Variants in DLGAP2 observed in about 807,000 individuals in gnomAD.
The protein encoded by DLGAP2 is disks large-associated protein 2.
In DLGAP2, 26 loss-of-function variants were observed where a neutral mutation model predicts 100.3. That is an observed-to-expected ratio of 0.26 (90% CI 0.19 to 0.36). DLGAP2 has a LOEUF of 0.36. Ranked by LOEUF, DLGAP2 falls within the 10% of genes least tolerant of loss-of-function variation. The pLI, the probability that DLGAP2 is intolerant of heterozygous loss-of-function variation, is 1.00. For missense variants in DLGAP2, 1,858 were observed against 1,453.2 expected, an observed-to-expected ratio of 1.28 and a Z score of -4.53; for synonymous variants, 886 against 630.1, an observed-to-expected ratio of 1.41 and a Z score of -6.08.
At chr8:1,061,014 A>T (rs564168319) in intron 2 of DLGAP2, among the ~76,000 whole-genome samples, 1 of 152,208 alleles carries the variant, frequency 6.6e-6, no homozygotes, top group Non-Finnish European at 1.5e-5. Context: ...ATACTTCTCT[A>T]TGTTGGGCAA....
At chr8:1,407,611 C>A (rs1391749217) in intron 3 of DLGAP2, among the ~76,000 whole-genome samples, 12 of 84,492 alleles carry the variant, frequency 1.4e-4, no homozygotes, top group African/African-American at 5.5e-4. Flanking sequence ...TCCTCATCCT[C>A]CAGAGTCGTG....
intron 5 of DLGAP2, among the ~76,000 whole-genome samples, chr8:1,552,746 C>T (rs1365391109): frequency 1.3e-5 from 2 of 152,160 alleles, no homozygotes; most frequent in African/African-American, 2.4e-5. Context: ...TCACTAGGAG[C>T]ACTTGCAGCT....
At chr8:768,782 T>C (rs1821280703) in intron 1 of DLGAP2, among the ~76,000 whole-genome samples, 1 of 152,116 alleles carries the variant, frequency 6.6e-6, no homozygotes, top group Non-Finnish European at 1.5e-5. Flanking sequence ...CACTTAAAAA[T>C]GGTGCGCTTC....
At chr8:1,298,719 A>C (rs907229909) in intron 3 of DLGAP2, among the ~76,000 whole-genome samples, 7 of 152,208 alleles carry the variant, frequency 4.6e-5, no homozygotes, top group African/African-American at 1.7e-4. Context: ...CCAGAGGGGA[A>C]CTAGAATGTC....
At chr8:1,604,643 A>G (rs961322405) in intron 6 of DLGAP2, 2 of 152,278 alleles carry the variant, frequency 1.3e-5, no homozygotes, top group African/African-American at 4.8e-5. Flanking sequence ...GAAGACCGTG[A>G]TCCAGGAATC....
intron 3 of DLGAP2, among the ~76,000 whole-genome samples, chr8:1,374,985 C>A (rs34778497): frequency 0.36 from 55,180 of 151,624 alleles, 10,296 homozygotes; most frequent in East Asian, 0.56. Flanking sequence ...ATACCACAGC[C>A]GGGGCGCTGT....
intron 8 of DLGAP2, among the ~76,000 whole-genome samples, chr8:1,662,121 G>C (rs1448326870): frequency 6.6e-6 from 1 of 152,216 alleles, no homozygotes; most frequent in Non-Finnish European, 1.5e-5. Context: ...AAATCAGTGG[G>C]TCCCACACAC....
chr8:1,164,706 G>A (rs1409671279), intron 2 of DLGAP2, among the ~76,000 whole-genome samples: 1 of 152,162 alleles, frequency 6.6e-6, no homozygotes, highest in Non-Finnish European at 1.5e-5. Flanking sequence ...TCAGTTCTGT[G>A]AAGTTTGTCT....
Position 1,202,797 on chromosome 8 carries a change from C to T in DLGAP2, c.74-56054C>T, listed in dbSNP as rs373198502. Among the ~76,000 whole-genome samples, 5 of 152,234 alleles carry T rather than the reference C, an allele frequency of 3.3e-5. 1 individual carries two copies. In the East Asian group the frequency reaches 5.8e-4, roughly 18 times the overall value. On this transcript the variant is annotated intron_variant, in intron 2 of 14. Transcript: ENST00000637795. ...CTTGAATCCACCCAAATGACAATCA[C>T]CCAAGCCACTGAACACGCCTGATCA...
intron 2 of DLGAP2, among the ~76,000 whole-genome samples, chr8:1,152,575 G>A (rs900580812): frequency 2.0e-5 from 3 of 150,648 alleles, no homozygotes; most frequent in Non-Finnish European, 4.4e-5. Flanking sequence ...GTAAGGTGGT[G>A]GTTGATGGAA....
At chr8:1,187,020 G>A (rs2116716292) in intron 2 of DLGAP2, among the ~76,000 whole-genome samples, 1 of 151,804 alleles carries the variant, frequency 6.6e-6, no homozygotes. Context: ...CAGTGCAGGT[G>A]GCGGTCGTGG....
rs1394128447 is a variant in DLGAP2, at chr8:1,364,423, A to G, written c.106+105540A>G. Among the ~76,000 whole-genome samples, 3 of 142,192 alleles carry G rather than the reference A, an allele frequency of 2.1e-5. No individual in the cohort carries two copies. In the East Asian group the frequency reaches 6.9e-4, roughly 33 times the overall value. The allele number at this position is 142,192 out of a possible 152,430, so 93.3% of individuals were successfully genotyped here. A position where few individuals can be genotyped will look rare whatever the true frequency, so the allele number is the denominator to read the frequency against. ...GTGGGCAGGCCTGGGGGCCTCCTCC[A>G]CCCCGACCTTCAGGAACCCCAGATT... On this transcript the variant is annotated intron_variant, in intron 3 of 14. Transcript: ENST00000637795.
At chr8:1,694,247 G>C (rs1585071088) in intron 13 of DLGAP2, among the ~76,000 whole-genome samples, 1 of 152,226 alleles carries the variant, frequency 6.6e-6, no homozygotes, top group Non-Finnish European at 1.5e-5. Flanking sequence ...TGGTGCCTGA[G>C]ACAGGCCTGG....
chr8:1,200,608 C>T (rs1002449560), intron 2 of DLGAP2, among the ~76,000 whole-genome samples: 1 of 152,188 alleles, frequency 6.6e-6, no homozygotes, highest in African/African-American at 2.4e-5. Flanking sequence ...CCATTAGCGT[C>T]ACCAAAGCGT....
At chr8:1,412,328 A>G (rs992502515) in intron 3 of DLGAP2, among the ~76,000 whole-genome samples, 3 of 152,072 alleles carry the variant, frequency 2.0e-5, no homozygotes, top group African/African-American at 7.2e-5. Flanking sequence ...TCTCTCCCTC[A>G]GCCTCCCTGT....
chr8:1,437,843 G>T (rs898963440), intron 3 of DLGAP2, among the ~76,000 whole-genome samples: 1 of 139,012 alleles, frequency 7.2e-6, no homozygotes, highest in South Asian at 2.4e-4. Flanking sequence ...AAAATTAGCC[G>T]GGCGTGATGT....
chr8:1,315,333 A>T (rs552882566), intron 3 of DLGAP2, among the ~76,000 whole-genome samples: 12 of 147,578 alleles, frequency 8.1e-5, no homozygotes, highest in Admixed American at 4.7e-4. Flanking sequence ...ACACTCGAGA[A>T]ACTCGGCAGC....
At chr8:1,569,715 T>C (rs895876997) in intron 6 of DLGAP2, among the ~76,000 whole-genome samples, 55 of 152,374 alleles carry the variant, frequency 3.6e-4, no homozygotes, top group African/African-American at 1.2e-3. Flanking sequence ...AATGAGGTGC[T>C]GGAGGCTGCA....
At chr8:868,359 T>C (rs966028776) in intron 1 of DLGAP2, among the ~76,000 whole-genome samples, 28 of 152,188 alleles carry the variant, frequency 1.8e-4, no homozygotes, top group African/African-American at 6.3e-4. Context: ...ACTTACAAGG[T>C]CACCTAGCAC....
Sources: allele counts gnomAD v4.1 joint callset (sites outside exome capture counted in the v4.1 genomes callset), GRCh38; gene constraint gnomAD v4.1.1; transcripts MANE v1.5; gene names NCBI Gene and HGNC (gene_info 2026-07-23, HGNC 2026-07-21).